The following PIP5K1B variants were observed in gnomAD, a reference collection of about 807,000 sequenced individuals.
The protein encoded by PIP5K1B is phosphatidylinositol-4-phosphate 5-kinase type 1 beta.
A neutral mutation model predicts 67.0 loss-of-function variants in PIP5K1B; 42 were observed. The observed-to-expected ratio is 0.63, with a 90% CI of 0.49 to 0.81. PIP5K1B has a LOEUF of 0.81. Among genes scored for constraint, PIP5K1B ranks in the 30% least tolerant of loss-of-function variants. PIP5K1B has a pLI of 0.00. For synonymous variants in PIP5K1B, 214 were observed against 231.4 expected (o/e 0.92, Z 0.68); for missense variants, 459 against 646.3 (o/e 0.71, Z 3.14).
intron 2 of PIP5K1B, chr9:68,780,096 C>CATCAAAAAA: frequency 3.5e-6 from 5 of 1,430,374 alleles, no homozygotes; most frequent in Admixed American, 2.9e-5. Context: ...GCGGCGGCGG[C>CATCAAAAAA]CCTGGACTGC....
intron 14 of PIP5K1B, among the ~76,000 whole-genome samples, chr9:68,980,994 T>C (rs981537071): frequency 6.6e-6 from 1 of 152,192 alleles, no homozygotes; most frequent in African/African-American, 2.4e-5. Context: ...GTATACAATA[T>C]TTATATAGTC....
At chr9:68,820,082 C>A (rs954812992) in intron 3 of PIP5K1B, among the ~76,000 whole-genome samples, 1 of 151,998 alleles carries the variant, frequency 6.6e-6, no homozygotes, top group Non-Finnish European at 1.5e-5. Context: ...TTTTAAGCAC[C>A]CTTCAGAGTT....
intron 6 of PIP5K1B, among the ~76,000 whole-genome samples, chr9:68,883,180 A>G (rs1824283781): frequency 6.6e-6 from 1 of 152,226 alleles, no homozygotes; most frequent in Non-Finnish European, 1.5e-5. Context: ...CTTACTCAGA[A>G]TCACATAACT....
intron 15 of PIP5K1B, among the ~76,000 whole-genome samples, chr9:68,992,251 T>C (rs1300341035): frequency 3.3e-5 from 5 of 151,984 alleles, no homozygotes; most frequent in Admixed American, 6.6e-5. Context: ...CATGAGCCAC[T>C]GCACCCGGCC....
chr9:68,766,058 T>C (rs1830411398), intron 2 of PIP5K1B, among the ~76,000 whole-genome samples: 1 of 152,186 alleles, frequency 6.6e-6, no homozygotes, highest in African/African-American at 2.4e-5. Context: ...TATGGCTCTT[T>C]TATCCACTGA....
In PIP5K1B at chr9:68,917,667, T is replaced by C; in HGVS notation, c.891T>C (p.Thr297=). 1.2e-6 allele frequency: 2 copies of C among 1,614,098 alleles called. No individual in the cohort carries two copies. The highest frequency in any genetic ancestry group is 1.7e-6 in the Non-Finnish European group (2 of 1,179,944). Residue 297 remains threonine, a synonymous_variant, in exon 9 of 16, where the codon ACT becomes ACC. Coordinates refer to ENST00000265382, the MANE Select transcript of PIP5K1B (RefSeq NM_003558.4). ...TPQNVPDAKR[T]GMQKVLYSTA... is the part of the protein sequence containing the mutation. ...AAAATGTGCCTGATGCTAAGCGGAC[T>C]GGGATGCAGAAGGTTCTCTACTCAA...
At chr9:68,807,057 T>C (rs879803789) in intron 2 of PIP5K1B, among the ~76,000 whole-genome samples, 1 of 152,080 alleles carries the variant, frequency 6.6e-6, no homozygotes, top group African/African-American at 2.4e-5. Flanking sequence ...AGTAAAAGTA[T>C]TAACTCTAAT....
intron 14 of PIP5K1B, among the ~76,000 whole-genome samples, chr9:68,972,450 G>A (rs527793054): frequency 1.8e-4 from 27 of 152,170 alleles, no homozygotes; most frequent in African/African-American, 5.8e-4. Flanking sequence ...AGACCAGCCC[G>A]GCTAACGTGG....
chr9:68,726,217 G>C (rs189989134), intron 1 of PIP5K1B, among the ~76,000 whole-genome samples: 50 of 152,264 alleles, frequency 3.3e-4, no homozygotes, highest in African/African-American at 1.1e-3. Flanking sequence ...TCATATGCCT[G>C]TATCAAAATA....
At chr9:68,935,664 G>C (rs1192948157) in intron 13 of PIP5K1B, among the ~76,000 whole-genome samples, 1 of 152,132 alleles carries the variant, frequency 6.6e-6, no homozygotes, top group East Asian at 1.9e-4. Flanking sequence ...ACCTTATTCT[G>C]TACATGTACA....
intron 4 of PIP5K1B, among the ~76,000 whole-genome samples, chr9:68,836,827 C>T (rs1010978046): frequency 6.6e-6 from 1 of 152,214 alleles, no homozygotes; most frequent in African/African-American, 2.4e-5. Flanking sequence ...GCAGATGCAG[C>T]ATGTCTCAGG....
intron 2 of PIP5K1B, among the ~76,000 whole-genome samples, chr9:68,772,522 A>T (rs1481072880): frequency 1.3e-5 from 2 of 152,184 alleles, no homozygotes; most frequent in African/African-American, 4.8e-5. Flanking sequence ...GGGATTAACA[A>T]ATGGCTTGCT....
At chr9:68,731,027 A>G (rs1012498279) in intron 1 of PIP5K1B, among the ~76,000 whole-genome samples, 1 of 152,224 alleles carries the variant, frequency 6.6e-6, no homozygotes, top group Non-Finnish European at 1.5e-5. Context: ...GTAAACAGAT[A>G]TGACTTCCAT....
chr9:68,880,533 C>T (rs180695042), intron 6 of PIP5K1B, among the ~76,000 whole-genome samples: 17 of 150,140 alleles, frequency 1.1e-4, no homozygotes, highest in African/African-American at 3.0e-4. Context: ...CCAGCCTGGG[C>T]GGCAGAGCAA....
intron 14 of PIP5K1B, among the ~76,000 whole-genome samples, chr9:68,983,314 C>A (rs529346549): frequency 1.3e-5 from 2 of 152,142 alleles, no homozygotes; most frequent in Admixed American, 1.3e-4. Flanking sequence ...GGTGTCTGTC[C>A]CCACCCAGGG....
intron 14 of PIP5K1B, among the ~76,000 whole-genome samples, chr9:68,970,178 TA>T (rs939568114): frequency 1.3e-5 from 2 of 152,224 alleles, no homozygotes; most frequent in Admixed American, 1.3e-4. Context: ...TTAAATGTTA[TA>T]AAGGATGATG....
chr9:68,816,506 A>G (rs183396073), intron 2 of PIP5K1B, among the ~76,000 whole-genome samples: 49 of 152,360 alleles, frequency 3.2e-4, no homozygotes, highest in Non-Finnish European at 4.7e-4. Context: ...AACAGTCAGC[A>G]TGGGGAAGTC....
At chr9:68,825,333 GAAAACTGGCAA>G (rs1163939271) in intron 4 of PIP5K1B, among the ~76,000 whole-genome samples, 6 of 152,172 alleles carry the variant, frequency 3.9e-5, no homozygotes, top group Non-Finnish European at 7.3e-5. Context: ...TGATGGTCTC[GAAAACTGGCAA>G]TTTTGCTCCC....
chr9:68,845,049 C>A (rs992233199), intron 4 of PIP5K1B, among the ~76,000 whole-genome samples: 1 of 152,068 alleles, frequency 6.6e-6, no homozygotes, highest in Non-Finnish European at 1.5e-5. Context: ...TAAATGAAAT[C>A]AGAAAGTCGT....
Sources: allele counts gnomAD v4.1 joint callset (sites outside exome capture counted in the v4.1 genomes callset), GRCh38; gene constraint gnomAD v4.1.1; transcripts MANE v1.5; gene names NCBI Gene and HGNC (gene_info 2026-07-23, HGNC 2026-07-21).